ENOX1: variants seen among roughly 807,000 people sequenced by gnomAD.
ENOX1 encodes ecto-NOX disulfide-thiol exchanger 1, also known as candidate growth-related and time keeping constitutive hydroquinone (NADH) oxidase.
Under a neutral mutation model 82.5 loss-of-function variants are expected in ENOX1, and 42 were observed. The observed-to-expected ratio is 0.51, with a 90% CI of 0.40 to 0.66. The LOEUF (loss-of-function observed/expected upper bound fraction) is 0.66, where lower values mean the gene tolerates loss of function less well. ENOX1 is among the 30% of genes least tolerant of loss of function. The pLI is 0.00. For synonymous variants in ENOX1, 271 were observed against 282.2 expected (o/e 0.96, Z 0.40); for missense variants, 608 against 811.6 (o/e 0.75, Z 3.05).
intron 1 of ENOX1, among the ~76,000 whole-genome samples, chr13:43,705,239 T>C (rs1373934001): frequency 1.3e-5 from 2 of 150,262 alleles, no homozygotes; most frequent in African/African-American, 4.9e-5. Flanking sequence ...TGAGCCAAGA[T>C]TGCACCACTG....
At chr13:43,310,475 G>T (rs989305927) in intron 11 of ENOX1, among the ~76,000 whole-genome samples, 3 of 152,222 alleles carry the variant, frequency 2.0e-5, no homozygotes, top group South Asian at 4.1e-4. Flanking sequence ...AAGGTTAAAA[G>T]AATTCCTCTG....
chr13:43,618,569 T>C (rs762839489), intron 2 of ENOX1, among the ~76,000 whole-genome samples: 1 of 152,228 alleles, frequency 6.6e-6, no homozygotes, highest in Non-Finnish European at 1.5e-5. Context: ...GGTTTATTTC[T>C]GGGTTCTCTA....
intron 1 of ENOX1, among the ~76,000 whole-genome samples, chr13:43,758,278 C>T (rs953675902): frequency 1.3e-5 from 2 of 151,882 alleles, no homozygotes; most frequent in Admixed American, 6.6e-5. Context: ...GTTTAAAAAC[C>T]TGGATTACTC....
intron 3 of ENOX1, among the ~76,000 whole-genome samples, chr13:43,416,801 G>C (rs1285546934): frequency 6.6e-6 from 1 of 151,558 alleles, no homozygotes; most frequent in Non-Finnish European, 1.5e-5. Context: ...CCACTTCCTA[G>C]ATGGGGTGGC....
chr13:43,697,865 A>G (rs745497227), intron 1 of ENOX1, among the ~76,000 whole-genome samples: 4 of 152,228 alleles, frequency 2.6e-5, no homozygotes, highest in African/African-American at 4.8e-5. Context: ...CTGTAGATGA[A>G]GCTTCTATTG....
intron 9 of ENOX1, among the ~76,000 whole-genome samples, chr13:43,327,519 G>A (rs1448301018): frequency 6.6e-6 from 1 of 152,162 alleles, no homozygotes; most frequent in Non-Finnish European, 1.5e-5. Context: ...CAGTAAGCAT[G>A]AGATTAAGGA....
At chr13:43,434,367 T>C (rs2055867914) in intron 3 of ENOX1, among the ~76,000 whole-genome samples, 1 of 152,182 alleles carries the variant, frequency 6.6e-6, no homozygotes, top group South Asian at 2.1e-4. Context: ...CGGCCTTCCT[T>C]TCTGCCTGGT....
At chr13:43,731,769 G>A (rs1260965122) in intron 1 of ENOX1, among the ~76,000 whole-genome samples, 1 of 152,066 alleles carries the variant, frequency 6.6e-6, no homozygotes, top group Non-Finnish European at 1.5e-5. Context: ...AAGCGAAAAA[G>A]AACTAAAGCT....
At chr13:43,675,338 C>A (rs2085458797) in intron 1 of ENOX1, among the ~76,000 whole-genome samples, 1 of 152,130 alleles carries the variant, frequency 6.6e-6, no homozygotes, top group Non-Finnish European at 1.5e-5. Flanking sequence ...AGAGACCATG[C>A]ACTGAGATGG....
intron 6 of ENOX1, 60 bp from the exon 7 acceptor site, chr13:43,360,117 C>T (rs1394485360): frequency 2.7e-6 from 4 of 1,488,564 alleles, no homozygotes; most frequent in East Asian, 2.3e-5. Context: ...CTCTGGTTCT[C>T]CTGGCAAAAC....
intron 1 of ENOX1, among the ~76,000 whole-genome samples, chr13:43,709,792 T>C (rs563991772): frequency 6.6e-6 from 1 of 152,280 alleles, no homozygotes; most frequent in South Asian, 2.1e-4. Context: ...CTTGAAAATA[T>C]TAAGCATCAA....
intron 3 of ENOX1, among the ~76,000 whole-genome samples, chr13:43,416,202 G>A (rs2054517390): frequency 7.4e-6 from 1 of 134,528 alleles, no homozygotes; most frequent in Admixed American, 7.2e-5. Context: ...TCCCAGACGG[G>A]GCGGCTGGGC....
At chr13:43,636,165 C>G (rs765141281) in intron 2 of ENOX1, among the ~76,000 whole-genome samples, 6 of 152,148 alleles carry the variant, frequency 3.9e-5, no homozygotes, top group Non-Finnish European at 8.8e-5. Context: ...GTGGGCAGAG[C>G]TGATGATGGG....
chr13:43,652,042 G>A (rs2084214525), intron 2 of ENOX1, among the ~76,000 whole-genome samples: 1 of 151,364 alleles, frequency 6.6e-6, no homozygotes. Context: ...GTAAGTGAAG[G>A]CCTCTATAAG....
intron 3 of ENOX1, among the ~76,000 whole-genome samples, chr13:43,439,041 C>CTTTTTTTT (rs61212622): frequency 7.8e-4 from 94 of 120,126 alleles, no homozygotes; most frequent in Middle Eastern, 5.3e-3. Context: ...GTCTTTTAAT[C>CTTTTTTTT]TTTTTTTTTT....
intron 12 of ENOX1, among the ~76,000 whole-genome samples, chr13:43,270,883 C>G (rs1264048131): frequency 1.3e-5 from 2 of 152,174 alleles, no homozygotes; most frequent in Non-Finnish European, 2.9e-5. Flanking sequence ...GCTCACTTAA[C>G]AATTTGTGGG....
intron 2 of ENOX1, among the ~76,000 whole-genome samples, chr13:43,537,003 A>G (rs1273045542): frequency 6.6e-5 from 10 of 152,252 alleles, no homozygotes; most frequent in Non-Finnish European, 2.9e-5. Context: ...AGACACAATG[A>G]TGTCAGAAAA....
chr13:43,588,149 T>G (rs1357296504), intron 2 of ENOX1, among the ~76,000 whole-genome samples: 1 of 152,204 alleles, frequency 6.6e-6, no homozygotes, highest in Non-Finnish European at 1.5e-5. Context: ...TTCTGTTAAT[T>G]AACATATATA....
chr13:43,658,744 T>C (rs1332344597), intron 2 of ENOX1, among the ~76,000 whole-genome samples: 2 of 151,554 alleles, frequency 1.3e-5, no homozygotes, highest in African/African-American at 4.9e-5. Flanking sequence ...TGCACAGCTG[T>C]TGAGATCTCT....
Sources: gnomAD v4.1 joint callset for allele counts (sites outside exome capture counted in the v4.1 genomes callset) on GRCh38, gnomAD v4.1.1 for gene constraint, MANE v1.5 for transcripts, NCBI Gene and HGNC (gene_info 2026-07-23, HGNC 2026-07-21) for gene names.